CNTN6: variants seen among roughly 807,000 people sequenced by gnomAD.
The protein encoded by CNTN6 is contactin-6.
A neutral mutation model predicts 122.8 loss-of-function variants in CNTN6; 137 were observed. The observed-to-expected ratio is 1.12, with a 90% CI of 0.97 to 1.29. CNTN6 has a LOEUF of 1.29. Among genes scored for constraint, CNTN6 ranks in the 50% most tolerant of loss-of-function variants. CNTN6 has a pLI of 0.00. For synonymous variants in CNTN6, 570 were observed against 426.0 expected, an observed-to-expected ratio of 1.34 and a Z score of -4.16; for missense variants, 1,634 against 1,223.4, an observed-to-expected ratio of 1.34 and a Z score of -5.01.
intron 1 of CNTN6, among the ~76,000 whole-genome samples, chr3:1,128,931 T>C (rs1402918130): frequency 1.3e-5 from 2 of 152,068 alleles, no homozygotes; most frequent in Non-Finnish European, 2.9e-5. Context: ...TTTTATTTCT[T>C]ATCTTCTCTA....
intron 4 of CNTN6, among the ~76,000 whole-genome samples, chr3:1,240,806 A>T (rs77287420): frequency 2.0e-5 from 3 of 152,294 alleles, no homozygotes; most frequent in African/African-American, 4.8e-5. Context: ...TTTATTTCAC[A>T]TGGGTGAAAT....
chr3:1,373,445 A>C (rs1398156687), intron 14 of CNTN6, among the ~76,000 whole-genome samples, 159 bp from the exon 15 acceptor site: 1 of 152,148 alleles, frequency 6.6e-6, no homozygotes, highest in East Asian at 1.9e-4. Context: ...TTACCATGTA[A>C]AGGGAATTAA....
intron 7 of CNTN6, among the ~76,000 whole-genome samples, chr3:1,313,336 T>G (rs1471433511): frequency 6.6e-6 from 1 of 152,074 alleles, no homozygotes; most frequent in Non-Finnish European, 1.5e-5. Flanking sequence ...GAGTAGAAAT[T>G]GGTAGTAAAA....
chr3:1,324,603 T>C (rs2125983327), intron 8 of CNTN6, among the ~76,000 whole-genome samples: 1 of 149,836 alleles, frequency 6.7e-6, no homozygotes, highest in South Asian at 2.1e-4. Context: ...CCCCTTCATT[T>C]CCCTGGGTAG....
intron 12 of CNTN6, among the ~76,000 whole-genome samples, chr3:1,362,508 A>G (rs1325798257): frequency 6.6e-6 from 1 of 152,096 alleles, no homozygotes; most frequent in Non-Finnish European, 1.5e-5. Flanking sequence ...GCAAGTGCTA[A>G]CATTAAGAAC....
intron 12 of CNTN6, among the ~76,000 whole-genome samples, chr3:1,357,447 C>T (rs1559912027): frequency 6.6e-6 from 1 of 151,768 alleles, no homozygotes; most frequent in Non-Finnish European, 1.5e-5. Flanking sequence ...TCCTAGGCAC[C>T]ATGATAGGTT....
At chr3:1,380,359 T>C (rs1710482523) in intron 17 of CNTN6, among the ~76,000 whole-genome samples, 1 of 152,182 alleles carries the variant, frequency 6.6e-6, no homozygotes, top group African/African-American at 2.4e-5. Context: ...GTTTATTTGT[T>C]TTGATTTGGT....
intron 5 of CNTN6, among the ~76,000 whole-genome samples, chr3:1,294,235 G>A (rs975322304): frequency 6.6e-6 from 1 of 152,010 alleles, no homozygotes; most frequent in African/African-American, 2.4e-5. Context: ...TCAAATTATG[G>A]TATATTCATA....
At chr3:1,265,847 T>C (rs1264937812) in intron 4 of CNTN6, among the ~76,000 whole-genome samples, 1 of 152,166 alleles carries the variant, frequency 6.6e-6, no homozygotes, top group Non-Finnish European at 1.5e-5. Flanking sequence ...TTTTGAAATA[T>C]CAATGTACTG....
intron 2 of CNTN6, among the ~76,000 whole-genome samples, chr3:1,215,262 C>G (rs72999894): frequency 2.6e-5 from 4 of 152,154 alleles, no homozygotes; most frequent in Non-Finnish European, 4.4e-5. Context: ...TTCTATAACT[C>G]GGTGACATCA....
intron 8 of CNTN6, among the ~76,000 whole-genome samples, chr3:1,322,056 T>A (rs169095): frequency 0.54 from 81,900 of 151,406 alleles, 23,818 homozygotes; most frequent in East Asian, 0.77. Flanking sequence ...GTTTATTATA[T>A]TTGCCTTCAA....
intron 4 of CNTN6, among the ~76,000 whole-genome samples, chr3:1,268,249 C>G (rs1451287228): frequency 6.6e-6 from 1 of 152,154 alleles, no homozygotes; most frequent in African/African-American, 2.4e-5. Context: ...GCTTCCTAGG[C>G]AGTGAGGGTC....
chr3:1,358,155 T>A (rs1418078613), intron 12 of CNTN6, among the ~76,000 whole-genome samples: 2 of 151,878 alleles, frequency 1.3e-5, no homozygotes, highest in Non-Finnish European at 2.9e-5. Context: ...TAGCTATCCA[T>A]CTCCTATTTT....
rs557019695 is a variant in CNTN6, at chr3:1,184,995, G to C, written c.56-35692G>C. ...TCTAGCATTACGTTAATGTACACTT[G>C]GTAGGCATTAGAGGAATAAACAGTT... On this transcript the variant is annotated intron_variant, in intron 2 of 22. Coordinates refer to ENST00000446702, the MANE Select transcript of CNTN6 (RefSeq NM_001289080.2). 3.2e-4 allele frequency among the ~76,000 whole-genome samples: 48 copies of C among 152,106 alleles called. 1 individual carries two copies. The highest frequency in any genetic ancestry group is 3.0e-3 in the Admixed American group (46 of 15,252).
chr3:1,275,920 C>G (rs1231522281), intron 4 of CNTN6, among the ~76,000 whole-genome samples: 3 of 152,156 alleles, frequency 2.0e-5, no homozygotes. Context: ...TTGGAGATCC[C>G]TGTTTTATAG....
intron 11 of CNTN6, among the ~76,000 whole-genome samples, chr3:1,345,953 A>G (rs1317838989): frequency 6.6e-6 from 1 of 152,102 alleles, no homozygotes; most frequent in Non-Finnish European, 1.5e-5. Flanking sequence ...AGTTTCAGCA[A>G]TAAGAAATTA....
At position 1,148,049 on chromosome 3, in the gene CNTN6, T is replaced by C. The variant is rs749193200; in HGVS notation, c.41T>C (p.Ile14Thr). Residue 14 changes from isoleucine (I) to threonine (T), a missense_variant, in exon 2 of 23, where the codon ATA becomes ACA. Physicochemically the swap from Ile to Thr is moderately conservative, Grantham distance 89 (BLOSUM62 -1). Transcript: ENST00000446702. ...AAACTGGTAATTCTGCTGCCACTCA[T>C]AAACTCTTCTGCAGGTAAAGTGTTC... ...LWKLVILLPL[I>T]NSSAGDGLLS... The C allele has an allele frequency of 2.6e-5, 42 of 1,608,082 alleles. No homozygotes were observed. In the South Asian group the frequency reaches 4.3e-4, roughly 16 times the overall value.
At chr3:1,288,721 A>G (rs1176037615) in intron 5 of CNTN6, among the ~76,000 whole-genome samples, 1 of 152,236 alleles carries the variant, frequency 6.6e-6, no homozygotes, top group Non-Finnish European at 1.5e-5. Context: ...TTTTTCCTCT[A>G]ATAAAAATTA....
chr3:1,109,174 A>T (rs1192031658), intron 1 of CNTN6, among the ~76,000 whole-genome samples: 4 of 152,082 alleles, frequency 2.6e-5, no homozygotes, highest in Non-Finnish European at 4.4e-5. Flanking sequence ...TGATATTATG[A>T]TCCCCGATGA....
Sources: gnomAD v4.1 joint callset for allele counts (sites outside exome capture counted in the v4.1 genomes callset) on GRCh38, gnomAD v4.1.1 for gene constraint, MANE v1.5 for transcripts, NCBI Gene and HGNC (gene_info 2026-07-23, HGNC 2026-07-21) for gene names.